Variants in TMEM45A observed in about 807,000 individuals in gnomAD.
TMEM45A encodes the protein DNA polymerase-transactivated protein 4.
A neutral mutation model predicts 32.0 loss-of-function variants in TMEM45A; 25 were observed. The ratio of observed to expected loss-of-function variants is 0.78; its 90% confidence interval spans 0.57 to 1.09. TMEM45A has a LOEUF of 1.09. TMEM45A is among the 50% of genes least tolerant of loss of function. The pLI, the probability that TMEM45A is intolerant of heterozygous loss-of-function variation, is 0.00. For missense variants in TMEM45A, 302 were observed against 325.0 expected, an observed-to-expected ratio of 0.93 and a Z score of 0.54; for synonymous variants, 122 against 114.8, an observed-to-expected ratio of 1.06 and a Z score of -0.40.
chr3:100,559,090 G>A (rs563754107), intron 4 of TMEM45A, among the ~76,000 whole-genome samples: 5 of 152,294 alleles, frequency 3.3e-5, no homozygotes, highest in African/African-American at 7.2e-5. Context: ...CAATAACAGA[G>A]CTAGGATCTA....
chr3:100,537,898 C>T (rs577104590), intron 1 of TMEM45A, among the ~76,000 whole-genome samples: 2 of 152,170 alleles, frequency 1.3e-5, no homozygotes, highest in African/African-American at 2.4e-5. Flanking sequence ...CCTGTGACTG[C>T]GCTGAACCAA....
chr3:100,547,308 G>C (rs967673003), intron 1 of TMEM45A, among the ~76,000 whole-genome samples: 3 of 151,946 alleles, frequency 2.0e-5, no homozygotes, highest in African/African-American at 7.3e-5. Flanking sequence ...TTTTAGTAGA[G>C]ATGGGGTTTC....
chr3:100,509,129 A>G (rs944703001), intron 1 of TMEM45A, among the ~76,000 whole-genome samples: 3 of 152,216 alleles, frequency 2.0e-5, no homozygotes, highest in Admixed American at 1.3e-4. Context: ...AAAAAATCCC[A>G]TCAGATATTT....
At chr3:100,553,885 T>A (rs1286448859) in intron 1 of TMEM45A, among the ~76,000 whole-genome samples, 1 of 152,100 alleles carries the variant, frequency 6.6e-6, no homozygotes, top group Non-Finnish European at 1.5e-5. Context: ...TAAGAGACTT[T>A]TAGTGTTTGG....
At chr3:100,564,763 C>T (rs190354296) in intron 4 of TMEM45A, among the ~76,000 whole-genome samples, 10 of 152,314 alleles carry the variant, frequency 6.6e-5, no homozygotes, top group Admixed American at 4.6e-4. Flanking sequence ...GGATTACAGG[C>T]GTGAGCCACC....
At chr3:100,549,663 G>A (rs1390344571) in intron 1 of TMEM45A, among the ~76,000 whole-genome samples, 1 of 152,196 alleles carries the variant, frequency 6.6e-6, no homozygotes, top group East Asian at 1.9e-4. Context: ...TCTCAAAGGA[G>A]GAAGAGTGGG....
At chr3:100,565,620 C>T (rs1358594135) in intron 4 of TMEM45A, among the ~76,000 whole-genome samples, 2 of 152,046 alleles carry the variant, frequency 1.3e-5, no homozygotes, top group East Asian at 3.9e-4. Flanking sequence ...AAGGAGACAC[C>T]TAAACACTGT....
At chr3:100,496,906 A>G (rs751935514) in intron 1 of TMEM45A, among the ~76,000 whole-genome samples, 1 of 152,198 alleles carries the variant, frequency 6.6e-6, no homozygotes, top group Non-Finnish European at 1.5e-5. Context: ...CCAGGTAAAC[A>G]TTCTACTTCT....
chr3:100,511,800 CA>C (rs1039983761), intron 1 of TMEM45A, among the ~76,000 whole-genome samples: 1 of 151,564 alleles, frequency 6.6e-6, no homozygotes, highest in Non-Finnish European at 1.5e-5. Context: ...AAATGGAAAA[CA>C]AAAAAAGGCA....
intron 5 of TMEM45A, chr3:100,570,978 T>C (rs1471883858): frequency 1.3e-5 from 2 of 152,190 alleles, no homozygotes; most frequent in African/African-American, 2.4e-5. Flanking sequence ...GTTTTTTTTT[T>C]CAAATACACC....
rs540273684 is a variant in TMEM45A at position 100,540,666 on chromosome 3, G to A, written c.-3-14543G>A. Among the ~76,000 whole-genome samples, 79 of 152,272 alleles carry A rather than the reference G, an allele frequency of 5.2e-4. 1 individual carries two copies. In the South Asian group the frequency reaches 0.016, roughly 31 times the overall value. Reference sequence around the variant, plus strand: ...AAAGATAACATACAATTATCTAGGAGCACCATACAATTCAGAATTGTGCTC... The same window carrying A: ...AAAGATAACATACAATTATCTAGGAACACCATACAATTCAGAATTGTGCTC... On this transcript the variant is annotated intron_variant, in intron 1 of 5. Coordinates refer to ENST00000323523, the MANE Select transcript of TMEM45A (RefSeq NM_018004.3).
At chr3:100,497,996 C>G (rs183786496) in intron 1 of TMEM45A, among the ~76,000 whole-genome samples, 75 of 152,278 alleles carry the variant, frequency 4.9e-4, no homozygotes, top group African/African-American at 1.8e-3. Context: ...CCCCATAATC[C>G]ACACGTGGAG....
At position 100,573,209 on chromosome 3, in the gene TMEM45A, G is replaced by A. The variant is rs1452532292; in HGVS notation, c.735-3716G>A. The A allele has an allele frequency of 1.9e-4, 28 of 151,280 alleles. No individual in the cohort carries two copies. In the East Asian group the frequency reaches 4.7e-3, roughly 25 times the overall value. 9.4% of individuals were successfully genotyped at this position (151,280 alleles called of 1,614,324 possible). ...CCTTGGGCAGTATGGCCATTTTCAC[G>A]ATATTGATTCTTCCTACCCATGAGC... On this transcript the variant is annotated intron_variant, in intron 5 of 5. Coordinates refer to ENST00000323523, the MANE Select transcript of TMEM45A (RefSeq NM_018004.3).
intron 1 of TMEM45A, among the ~76,000 whole-genome samples, chr3:100,496,262 T>G (rs1707925359): frequency 6.6e-6 from 1 of 152,232 alleles, no homozygotes. Context: ...ATTTGATACA[T>G]CTGCGACTAA....
intron 1 of TMEM45A, among the ~76,000 whole-genome samples, chr3:100,504,267 T>C (rs1708050830): frequency 6.6e-6 from 1 of 152,072 alleles, no homozygotes; most frequent in Admixed American, 6.6e-5. Flanking sequence ...AAAAAAAGTC[T>C]TGCTTGGATA....
At chr3:100,505,308 A>T (rs941214791) in intron 1 of TMEM45A, among the ~76,000 whole-genome samples, 1 of 152,240 alleles carries the variant, frequency 6.6e-6, no homozygotes, top group Non-Finnish European at 1.5e-5. Flanking sequence ...ACAGACAGCC[A>T]TAGTTTCTAG....
chr3:100,576,865 AT>A, intron 5 of TMEM45A, 59 bp from the exon 6 acceptor site: 1 of 1,303,020 alleles, frequency 7.7e-7, no homozygotes, highest in Non-Finnish European at 1.1e-6. Context: ...ATGGGTGCAT[AT>A]TGCTCTGGGT....
Position 100,577,188 on chromosome 3 carries a change from C to G in TMEM45A, c.*170C>G, listed in dbSNP as rs531791924. The G allele has an allele frequency of 2.4e-5, 13 of 539,986 alleles. No homozygotes were observed. The highest frequency in any genetic ancestry group is 1.6e-4 in the African/African-American group (8 of 51,154). 33.4% of individuals were successfully genotyped at this position (539,986 alleles called of 1,614,324 possible). A position where few individuals can be genotyped will look rare whatever the true frequency, so the allele number is the denominator to read the frequency against. On this transcript the variant is annotated 3_prime_UTR_variant, in exon 6 of 6. Coordinates refer to ENST00000323523, the MANE Select transcript of TMEM45A (RefSeq NM_018004.3). ...TTGAATTTAAATATTTTCTTTTTAG[C>G]TTTGAAAATATTTTGGGTGATACTT... is the stretch of plus-strand genomic sequence containing the variant.
intron 1 of TMEM45A, among the ~76,000 whole-genome samples, chr3:100,525,095 G>A (rs1014226590): frequency 3.3e-5 from 5 of 152,050 alleles, no homozygotes; most frequent in African/African-American, 9.7e-5. Flanking sequence ...GACTGAGGCA[G>A]GAGGATAACT....
Sources: allele counts gnomAD v4.1 joint callset (sites outside exome capture counted in the v4.1 genomes callset), GRCh38; gene constraint gnomAD v4.1.1; transcripts MANE v1.5; gene names NCBI Gene and HGNC (gene_info 2026-07-23, HGNC 2026-07-21).